Variants in SH3BP2 observed in about 807,000 individuals in gnomAD.
SH3BP2 encodes the protein SH3 domain binding protein 2.
A neutral mutation model predicts 56.2 loss-of-function variants in SH3BP2; 38 were observed. The ratio of observed to expected loss-of-function variants is 0.68; its 90% CI spans 0.52 to 0.89. The LOEUF (loss-of-function observed/expected upper bound fraction) is 0.89, where lower values mean the gene tolerates loss of function less well. Among genes scored for constraint, SH3BP2 ranks in the 40% least tolerant of loss-of-function variants. The probability of loss-of-function intolerance (pLI) is 0.00; values close to 1 mark genes in which losing one functional copy is unlikely to be tolerated. For synonymous variants in SH3BP2, 346 were observed against 316.7 expected (o/e 1.09, Z -0.98); for missense variants, 748 against 762.6 (o/e 0.98, Z 0.23).
intron 1 of SH3BP2, among the ~76,000 whole-genome samples, chr4:2,806,198 C>G (rs1368902140): frequency 6.6e-6 from 1 of 152,236 alleles, no homozygotes; most frequent in Non-Finnish European, 1.5e-5. Context: ...TAGAGCGGCC[C>G]TCTCTGGTGG....
Position 2,840,689 on chromosome 4 carries a change from T to C in SH3BP2, c.*6855T>C, listed in dbSNP as rs140752522. The C allele has an allele frequency of 2.0e-5, 3 of 152,346 alleles. No individual in the cohort carries two copies. In the East Asian group the frequency reaches 5.8e-4, roughly 29 times the overall value. 9.4% of individuals were successfully genotyped at this position (152,346 alleles called of 1,614,324 possible). ...ACTATTCTGGCTCTTTGTATTTTCA[T>C]GTAAGGTTTTTCTCCCATATAAGTT... On this transcript the variant is annotated 3_prime_UTR_variant, in exon 13 of 13. Transcript: ENST00000503393.
At chr4:2,823,774 G>T (rs905602158) in intron 3 of SH3BP2, among the ~76,000 whole-genome samples, 1 of 152,242 alleles carries the variant, frequency 6.6e-6, no homozygotes, top group Admixed American at 6.5e-5. Flanking sequence ...GGAACCAAGG[G>T]TCACATGGTA....
intron 1 of SH3BP2, among the ~76,000 whole-genome samples, chr4:2,807,019 C>T (rs754679215): frequency 3.3e-5 from 5 of 152,378 alleles, no homozygotes; most frequent in Admixed American, 2.0e-4. Context: ...GTGGCCTGAC[C>T]GTCTCTGCCT....
intron 1 of SH3BP2, among the ~76,000 whole-genome samples, chr4:2,793,359 C>CG (rs1722960738): frequency 6.9e-6 from 1 of 145,428 alleles, no homozygotes; most frequent in South Asian, 2.3e-4. Context: ...TGGCAGGTCT[C>CG]GGGGGAGTCT....
intron 1 of SH3BP2, among the ~76,000 whole-genome samples, chr4:2,816,660 G>A (rs1284939048): frequency 6.6e-6 from 1 of 152,174 alleles, no homozygotes; most frequent in Non-Finnish European, 1.5e-5. Context: ...GAGGAGTGTT[G>A]AATTTTGTCA....
Position 2,831,912 on chromosome 4 carries a change from G to T in SH3BP2, c.1351-11G>T. On this transcript the variant is annotated splice_polypyrimidine_tract_variant and intron_variant, in intron 9 of 12. Coordinates refer to ENST00000503393, the MANE Select transcript of SH3BP2 (RefSeq NM_001122681.2). The surrounding 1 kb of genome is among the most constrained non-coding windows in gnomAD (Gnocchi z 4.1). ...TCCGACGTTGGCACTGACACCGTCA[G>T]CCTCTTGCAGGTGCCACTGCCCAAC... The T allele has an allele frequency of 2.5e-6, 4 of 1,612,464 alleles. No homozygotes were observed. The highest frequency in any genetic ancestry group is 3.4e-6 in the Non-Finnish European group (4 of 1,179,934).
intron 1 of SH3BP2, among the ~76,000 whole-genome samples, chr4:2,797,194 G>C (rs527959430): frequency 4.6e-5 from 7 of 152,262 alleles, no homozygotes; most frequent in African/African-American, 1.4e-4. Flanking sequence ...GCATAGGGGT[G>C]GGCCCTTGCT....
chr4:2,811,195 T>G (rs575827767), intron 1 of SH3BP2, among the ~76,000 whole-genome samples: 1 of 152,300 alleles, frequency 6.6e-6, no homozygotes, highest in South Asian at 2.1e-4. Context: ...GGAGCTGCCT[T>G]TTTTGAGTGA....
chr4:2,801,383 AAC>A (rs1723275469), intron 1 of SH3BP2, among the ~76,000 whole-genome samples: 1 of 152,160 alleles, frequency 6.6e-6, no homozygotes, highest in Admixed American at 6.5e-5. Context: ...GCTGAGGAGG[AAC>A]ACACAGCTCT....
At position 2,831,193 on chromosome 4, in the gene SH3BP2, G is replaced by A. The variant is rs1410054051; in HGVS notation, c.1242-378G>A. On this transcript the variant is annotated intron_variant, in intron 8 of 12. Coordinates refer to ENST00000503393, the MANE Select transcript of SH3BP2 (RefSeq NM_001122681.2). This position sits in a 1 kb window ranked among gnomAD's most constrained non-coding sequence, Gnocchi z 4.1. The stretch of plus-strand genomic sequence containing the variant: ...GCGTCCTTTGGGGTCACACTGCATT[G>A]TTCATCCAGTTCACGTCCACTCCCC... 6.6e-6 allele frequency among the ~76,000 whole-genome samples: 1 copy of A among 152,212 alleles called. No individual in the cohort carries two copies. Among genetic ancestry groups the A allele is most frequent in the Non-Finnish European group, 1.5e-5 (1 of 68,034 alleles).
chr4:2,833,262 G>C lies in SH3BP2; in HGVS notation c.1548+213G>C, dbSNP rs1231499814. The C allele has an allele frequency of 7.9e-6, 5 of 633,266 alleles. No individual in the cohort carries two copies. The Admixed American group carries it at 9.4e-5, about 12-fold the overall frequency. 39.2% of individuals were successfully genotyped at this position (633,266 alleles called of 1,614,324 possible). On this transcript the variant is annotated intron_variant, in intron 12 of 12. Transcript: ENST00000503393. ...CTACCTTTGTCCTCCACTGACCCTA[G>C]TGGGGATGGGCGGTCAGCCATAGAC...
At position 2,812,087 on chromosome 4, in the gene SH3BP2, CCT is replaced by C. The variant is rs1335033460; in HGVS notation, c.-4-8524_-4-8523del. On this transcript the variant is annotated intron_variant, in intron 1 of 12. Coordinates refer to ENST00000503393, the MANE Select transcript of SH3BP2 (RefSeq NM_001122681.2). ...TTGCGCTGGAGCCAGAGAGCCCTGG[CCT>C]CTGACCACAGGATGGGAGGGCAGGA... 1.1e-4 allele frequency: 120 copies of C among 1,073,154 alleles called. No individual in the cohort carries two copies. The East Asian group carries it at 4.2e-3, about 38-fold the overall frequency. 66.5% of individuals were successfully genotyped at this position (1,073,154 alleles called of 1,614,324 possible).
At position 2,800,630 on chromosome 4, in the gene SH3BP2, G is replaced by A. The variant is rs564753503; in HGVS notation, c.-5+7492G>A. 3.3e-5 allele frequency among the ~76,000 whole-genome samples: 5 copies of A among 152,120 alleles called. 1 individual carries two copies. The highest frequency in any genetic ancestry group is 3.3e-4 in the Admixed American group (5 of 15,270). ...AGGCTGTCTCGGGCTCCCGTGCCAGGGGTGGGTGCAGGGAGGCTGGGCAGG... is the reference window on the plus strand; with the variant it reads ...AGGCTGTCTCGGGCTCCCGTGCCAGAGGTGGGTGCAGGGAGGCTGGGCAGG... On this transcript the variant is annotated intron_variant, in intron 1 of 12. Transcript: ENST00000503393.
At position 2,836,364 on chromosome 4, in the gene SH3BP2, A is replaced by G. The variant is rs1725233366; in HGVS notation, c.*2530A>G. The G allele has an allele frequency of 6.6e-6, 1 of 152,204 alleles. No homozygotes were observed. The highest frequency in any genetic ancestry group is 1.5e-5 in the Non-Finnish European group (1 of 68,034). 9.4% of individuals were successfully genotyped at this position (152,204 alleles called of 1,614,324 possible). On this transcript the variant is annotated 3_prime_UTR_variant, in exon 13 of 13. Coordinates refer to ENST00000503393, the MANE Select transcript of SH3BP2 (RefSeq NM_001122681.2). ...TTGCCATAAGTGTTCTAGTCCACAT[A>G]TAAGGGTAGGGTTGGGATTACCATT...
chr4:2,814,425 G>T (rs1274223721), intron 1 of SH3BP2, among the ~76,000 whole-genome samples: 1 of 152,176 alleles, frequency 6.6e-6, no homozygotes, highest in Non-Finnish European at 1.5e-5. Context: ...TTGAGAGAAG[G>T]TAGGGAGATG....
In SH3BP2 at chr4:2,834,419, A is replaced by C. The variant is rs1725162220; in HGVS notation, c.*585A>C. The C allele has an allele frequency of 6.5e-6, 1 of 153,558 alleles. No homozygotes were observed. The highest frequency in any genetic ancestry group is 1.4e-5 in the Non-Finnish European group (1 of 69,000). 9.5% of individuals were successfully genotyped at this position (153,558 alleles called of 1,614,324 possible). ...TTGGTTGTCTTGTCTTCCAGGGTGC[A>C]GGTCACTGAGTGACTTCCCCAGGGT... On this transcript the variant is annotated 3_prime_UTR_variant, in exon 13 of 13. Transcript: ENST00000503393.
chr4:2,794,853 C>T (rs1723010475), intron 1 of SH3BP2, among the ~76,000 whole-genome samples: 1 of 152,178 alleles, frequency 6.6e-6, no homozygotes, highest in Non-Finnish European at 1.5e-5. Flanking sequence ...GATGCACGCA[C>T]ACAAGCAGGC....
chr4:2,840,196 G>A lies in SH3BP2; in HGVS notation c.*6362G>A, dbSNP rs2108748450. 2 of 134,350 alleles carry A rather than the reference G, an allele frequency of 1.5e-5. No homozygotes were observed. The highest frequency in any genetic ancestry group is 5.3e-3 in the Middle Eastern group (1 of 190). 8.3% of individuals were successfully genotyped at this position (134,350 alleles called of 1,614,324 possible). A position where few individuals can be genotyped will look rare whatever the true frequency, so the allele number is the denominator to read the frequency against. ...GCTGTGATTGTGCCACTGCACTTCA[G>A]CCTGTGAGACAGAGTGAGACCCTAT... is the stretch of plus-strand genomic sequence containing the variant. On this transcript the variant is annotated 3_prime_UTR_variant, in exon 13 of 13. Coordinates refer to ENST00000503393, the MANE Select transcript of SH3BP2 (RefSeq NM_001122681.2).
chr4:2,816,593 T>C lies in SH3BP2; in HGVS notation c.-4-4021T>C, dbSNP rs575752289. ...TAGCTGTGGGTTTTTCATAGAACCC[T>C]TTATCAGATTGAGGAACTTCCCTTC... On this transcript the variant is annotated intron_variant, in intron 1 of 12. Coordinates refer to ENST00000503393, the MANE Select transcript of SH3BP2 (RefSeq NM_001122681.2). Among the ~76,000 whole-genome samples the C allele has an allele frequency of 2.9e-4, 44 of 152,350 alleles. No individual in the cohort carries two copies. The South Asian group carries it at 8.7e-3, about 30-fold the overall frequency.
Sources: gnomAD v4.1 joint callset for allele counts (sites outside exome capture counted in the v4.1 genomes callset) on GRCh38, gnomAD v4.1.1 for gene constraint, Gnocchi (gnomAD v3.1) non-coding constraint, MANE v1.5 for transcripts, NCBI Gene and HGNC (gene_info 2026-07-23, HGNC 2026-07-21) for gene names.